PCDH15: variants seen among roughly 807,000 people sequenced by gnomAD.
PCDH15 encodes protocadherin-15.
PCDH15 carries 129 observed loss-of-function variants against 178.5 expected under a neutral mutation model. That is an observed-to-expected ratio of 0.72 (90% CI 0.63 to 0.84). The LOEUF (loss-of-function observed/expected upper bound fraction) is 0.84. Ranked by LOEUF, PCDH15 falls within the 40% of genes least tolerant of loss-of-function variation. The pLI is 0.00. For missense variants in PCDH15, 2,230 were observed against 2,099.9 expected (o/e 1.06, Z -1.21); for synonymous variants, 800 against 732.0 (o/e 1.09, Z -1.50).
intron 2 of PCDH15, among the ~76,000 whole-genome samples, chr10:55,371,521 G>T (rs1014435755): frequency 6.6e-6 from 1 of 152,024 alleles, no homozygotes; most frequent in African/African-American, 2.4e-5. Context: ...CATGGGGGCC[G>T]AATTTCTCAC....
At chr10:53,822,430 C>A (rs1588930673) in intron 32 of PCDH15, 2 of 1,578,396 alleles carry the variant, frequency 1.3e-6, no homozygotes, top group Non-Finnish European at 1.7e-6. Context: ...GGAGGAGGAG[C>A]AAGAGGAGCA....
chr10:54,775,582 T>C (rs1352571233), intron 1 of PCDH15, among the ~76,000 whole-genome samples: 1 of 152,188 alleles, frequency 6.6e-6, no homozygotes, highest in African/African-American at 2.4e-5. Context: ...TCATTCTATC[T>C]AGCTGTAATT....
intron 3 of PCDH15, among the ~76,000 whole-genome samples, chr10:54,390,428 G>T (rs1950417383): frequency 6.6e-6 from 1 of 152,110 alleles, no homozygotes. Flanking sequence ...GAGGAGCTGG[G>T]ACTACAGCTG....
chr10:54,808,930 G>T (rs1393224068), intron 3 of PCDH15, among the ~76,000 whole-genome samples: 1 of 148,236 alleles, frequency 6.7e-6, no homozygotes, highest in African/African-American at 2.6e-5. Context: ...GAGAATTTAA[G>T]TGGCTGGGAA....
chr10:55,560,361 A>T (rs982770795), intron 2 of PCDH15, among the ~76,000 whole-genome samples: 3 of 151,820 alleles, frequency 2.0e-5, no homozygotes, highest in African/African-American at 7.3e-5. Flanking sequence ...ACCCAATAAC[A>T]TCCTTCATAC....
chr10:54,733,990 CA>C (rs35280632), intron 1 of PCDH15, among the ~76,000 whole-genome samples: 31 of 145,776 alleles, frequency 2.1e-4, no homozygotes, highest in African/African-American at 5.6e-4. Flanking sequence ...TAAAACTTTA[CA>C]AAAAAAAACA....
At chr10:53,938,330 T>C (rs529576745) in intron 25 of PCDH15, among the ~76,000 whole-genome samples, 13 of 152,268 alleles carry the variant, frequency 8.5e-5, no homozygotes, top group African/African-American at 3.1e-4. Flanking sequence ...ATTAAAAGTG[T>C]AGGTTAAAAA....
intron 2 of PCDH15, among the ~76,000 whole-genome samples, chr10:55,523,619 T>G (rs1415689195): frequency 1.3e-5 from 2 of 151,690 alleles, no homozygotes; most frequent in Non-Finnish European, 3.0e-5. Flanking sequence ...AACTTTGTAC[T>G]CTTTGATGAA....
At chr10:55,446,598 C>A (rs889239219) in intron 2 of PCDH15, among the ~76,000 whole-genome samples, 5 of 152,000 alleles carry the variant, frequency 3.3e-5, no homozygotes, top group African/African-American at 1.2e-4. Context: ...AATTGTTGAG[C>A]CTCATCAACA....
At chr10:54,423,169 C>T (rs984674731) in intron 3 of PCDH15, among the ~76,000 whole-genome samples, 2 of 152,112 alleles carry the variant, frequency 1.3e-5, no homozygotes, top group Admixed American at 1.3e-4. Context: ...ATTCACCAGG[C>T]CATATTTACA....
intron 2 of PCDH15, among the ~76,000 whole-genome samples, chr10:54,551,933 T>C (rs529032109): frequency 6.6e-6 from 1 of 152,118 alleles, no homozygotes; most frequent in East Asian, 1.9e-4. Flanking sequence ...TACAACACAT[T>C]ATGAAAAAGA....
intron 21 of PCDH15, among the ~76,000 whole-genome samples, chr10:53,980,084 C>T (rs1332701973): frequency 4.0e-5 from 6 of 149,086 alleles, no homozygotes; most frequent in East Asian, 2.0e-4. Context: ...AGTCTGGCAT[C>T]GTGGCGGGCA....
intron 2 of PCDH15, among the ~76,000 whole-genome samples, chr10:55,582,628 AT>A (rs1554800566): frequency 3.5e-4 from 24 of 69,034 alleles, no homozygotes; most frequent in African/African-American, 8.0e-4. Context: ...ATATATATAT[AT>A]TTTTTTTTTT....
intron 2 of PCDH15, among the ~76,000 whole-genome samples, chr10:54,545,536 A>G (rs1010434503): frequency 6.6e-5 from 10 of 152,034 alleles, no homozygotes; most frequent in African/African-American, 2.4e-4. Flanking sequence ...TTGTTTCTAT[A>G]TAAAGAAAGA....
chr10:54,322,365 G>A (rs1564962247), intron 7 of PCDH15, among the ~76,000 whole-genome samples: 1 of 151,356 alleles, frequency 6.6e-6, no homozygotes, highest in African/African-American at 2.4e-5. Flanking sequence ...TAAAAAATAA[G>A]AATATATATT....
At chr10:54,723,043 A>T (rs1591288264) in intron 1 of PCDH15, among the ~76,000 whole-genome samples, 1 of 151,660 alleles carries the variant, frequency 6.6e-6, no homozygotes, top group East Asian at 1.9e-4. Flanking sequence ...ATAAAAAAAA[A>T]ATCTTAATGT....
chr10:54,773,948 C>T lies in PCDH15; in HGVS notation c.-29+26977G>A, dbSNP rs1193067277. On this transcript the variant is annotated intron_variant, in intron 1 of 37. Transcript: ENST00000644397. ...TTATCTCTGACAATCTGTTACTTAA[C>T]ATTTGCTGCTTAACACTTCATAAAA... 4.3e-5 allele frequency among the ~76,000 whole-genome samples: 6 copies of T among 140,012 alleles called. No individual in the cohort carries two copies. In the East Asian group the frequency reaches 9.6e-4, roughly 22 times the overall value. 91.9% of individuals were successfully genotyped at this position (140,012 alleles called of 152,430 possible). A position where few individuals can be genotyped will look rare whatever the true frequency, so the allele number is the denominator to read the frequency against.
chr10:54,757,822 T>G (rs1591482222), intron 1 of PCDH15, among the ~76,000 whole-genome samples: 1 of 152,294 alleles, frequency 6.6e-6, no homozygotes, highest in South Asian at 2.1e-4. Context: ...AATATATAGC[T>G]GCATGGACAA....
At chr10:54,503,227 G>A (rs7393682) in intron 3 of PCDH15, among the ~76,000 whole-genome samples, 31 of 69,398 alleles carry the variant, frequency 4.5e-4, no homozygotes, top group East Asian at 2.4e-3. Flanking sequence ...ACATATATAT[G>A]TGTGTGTGTG....
Sources: allele counts gnomAD v4.1 joint callset (sites outside exome capture counted in the v4.1 genomes callset), GRCh38; gene constraint gnomAD v4.1.1; transcripts MANE v1.5; gene names NCBI Gene and HGNC (gene_info 2026-07-23, HGNC 2026-07-21).